Variants in FREM3 observed in about 807,000 individuals in gnomAD.
FREM3 encodes the protein FRAS1 related extracellular matrix 3, also known as FRAS1-related extracellular matrix protein 3.
A neutral mutation model predicts 129.1 loss-of-function variants in FREM3; 105 were observed. The observed-to-expected ratio is 0.81, with a 90% CI of 0.69 to 0.96. The LOEUF is 0.96. Among genes scored for constraint, FREM3 ranks in the 40% least tolerant of loss-of-function variants. FREM3 has a pLI of 0.00. For synonymous variants in FREM3, 1,014 were observed against 1,044.9 expected, an observed-to-expected ratio of 0.97 and a Z score of 0.57; for missense variants, 2,593 against 2,666.3, an observed-to-expected ratio of 0.97 and a Z score of 0.61.
intron 2 of FREM3, among the ~76,000 whole-genome samples, chr4:143,687,953 A>G (rs1384326472): frequency 6.6e-6 from 1 of 152,170 alleles, no homozygotes; most frequent in African/African-American, 2.4e-5. Context: ...GAACTGGAAC[A>G]AGACAAGGAT....
At chr4:143,616,256 A>T (rs1403401795) in intron 5 of FREM3, among the ~76,000 whole-genome samples, 2 of 152,184 alleles carry the variant, frequency 1.3e-5, no homozygotes, top group African/African-American at 4.8e-5. Flanking sequence ...GTTCTGATAA[A>T]CAGAAAATGG....
Position 143,697,848 on chromosome 4 carries a change from G to A in FREM3, c.2828C>T (p.Pro943Leu), listed in dbSNP as rs867878395. 1 of 1,537,750 alleles carries A rather than the reference G, an allele frequency of 6.5e-7. No individual in the cohort carries two copies. Among genetic ancestry groups the A allele is most frequent in the East Asian group, 2.4e-5 (1 of 40,908 alleles). ...SVHPNVANRS[P>L]RISLRSSSLL... is the part of the protein sequence containing the mutation. ...TGAACTACTTCTGAGAGAGATCCTAGGACTTCTGTTAGCCACATTGGGATG... is the reference window on the plus strand; with the variant it reads ...TGAACTACTTCTGAGAGAGATCCTAAGACTTCTGTTAGCCACATTGGGATG... Residue 943 changes from proline to leucine, a missense_variant, in exon 1 of 8, where the codon CCT (proline) becomes CTT (leucine). Transcript: ENST00000329798.
intron 2 of FREM3, among the ~76,000 whole-genome samples, chr4:143,663,424 T>C (rs1297088617): frequency 2.0e-5 from 3 of 152,150 alleles, no homozygotes; most frequent in Non-Finnish European, 4.4e-5. Flanking sequence ...CACTCTCTTC[T>C]GGCTTGTAGA....
At chr4:143,601,775 TG>T (rs1363830051) in intron 6 of FREM3, 1 of 152,202 alleles carries the variant, frequency 6.6e-6, no homozygotes, top group East Asian at 1.9e-4. Flanking sequence ...GTCCCTGGCC[TG>T]GGGTAATCTT....
At position 143,696,087 on chromosome 4, in the gene FREM3, A is replaced by G; in HGVS notation, c.4589T>C (p.Ile1530Thr). The stretch of plus-strand genomic sequence containing the variant: ...AGGTTTCTTATTATCCACATCAGTG[A>G]TGAAGATCCTGAAGGTTCTGAACAC... ...YPVFRTFRIF[I>T]TDVDNKKPIL... The change falls in exon 1 of 8, where the codon ATC becomes ACC. Residue 1530 changes from isoleucine (I) to threonine (T), a missense_variant. By Grantham distance (89) the Ile-to-Thr change is moderately conservative. Transcript: ENST00000329798. The G allele has an allele frequency of 2.0e-6, 3 of 1,537,540 alleles. No homozygotes were observed. Among genetic ancestry groups the G allele is most frequent in the Non-Finnish European group, 2.6e-6 (3 of 1,146,964 alleles).
At chr4:143,683,015 C>G (rs923476830) in intron 2 of FREM3, among the ~76,000 whole-genome samples, 1 of 152,076 alleles carries the variant, frequency 6.6e-6, no homozygotes, top group East Asian at 1.9e-4. Context: ...AGTGATGCAG[C>G]AGGAGAAAGA....
chr4:143,700,206 G>A lies in FREM3; in HGVS notation c.470C>T (p.Thr157Met), dbSNP rs763999992. ...APTHTLVLPF[T>M]LAVDLVFSQL... ...GGAGAAGACCAAGTCCACCGCCAGC[G>A]TGAAGGGCAGCACCAGAGTGTGAGT... Residue 157 changes from threonine (T) to methionine (M), a missense_variant, in exon 1 of 8, where the codon ACG becomes ATG. Around this residue, in one of 2 missense-constraint regions of FREM3, gnomAD observed 2,276 missense variants for 2,267.2 expected, o/e 1.00. Coordinates refer to ENST00000329798, the MANE Select transcript of FREM3 (RefSeq NM_001168235.2). 1.3e-6 allele frequency: 2 copies of A among 1,536,878 alleles called. No individual in the cohort carries two copies. The highest frequency in any genetic ancestry group is 2.4e-5 in the East Asian group (1 of 40,922).
At chr4:143,584,632 A>C (rs1738207644) in intron 7 of FREM3, among the ~76,000 whole-genome samples, 1 of 152,206 alleles carries the variant, frequency 6.6e-6, no homozygotes, top group South Asian at 2.1e-4. Flanking sequence ...TCATAAAACA[A>C]GTCCTTAAAG....
intron 2 of FREM3, among the ~76,000 whole-genome samples, chr4:143,684,624 A>C (rs1740323887): frequency 6.6e-6 from 1 of 152,196 alleles, no homozygotes; most frequent in Non-Finnish European, 1.5e-5. Flanking sequence ...AAATCACACT[A>C]GTTCATCAGC....
chr4:143,697,784 G>A lies in FREM3; in HGVS notation c.2892C>T (p.Ala964=). The A allele has an allele frequency of 6.5e-7, 1 of 1,537,484 alleles. No homozygotes were observed. The highest frequency in any genetic ancestry group is 1.2e-5 in the South Asian group (1 of 84,058). ...DVSIDVLENK[A]TEITMGVIHG... is the part of the protein sequence containing the mutation. ...GGATGACACCCATGGTAATTTCAGT[G>A]GCTTTATTCTCTAGTACGTCTATAG... The change falls in exon 1 of 8, where the codon GCC becomes GCT. Residue 964 remains alanine (A), a synonymous_variant. Transcript: ENST00000329798.
intron 2 of FREM3, among the ~76,000 whole-genome samples, chr4:143,671,939 G>C (rs1344574224): frequency 6.6e-6 from 1 of 152,178 alleles, no homozygotes; most frequent in East Asian, 1.9e-4. Flanking sequence ...AGATTTTATA[G>C]TCAAGCACTG....
rs577247536 is a variant in FREM3 at position 143,675,354 on chromosome 4, C to A, written c.5275+17759G>T. ...TCTTTGAAACCAACGAGAACAAAGA[C>A]ACAACATACCAGAATCTCTGGGACA... On this transcript the variant is annotated intron_variant, in intron 2 of 7. Coordinates refer to ENST00000329798, the MANE Select transcript of FREM3 (RefSeq NM_001168235.2). Among the ~76,000 whole-genome samples the A allele has an allele frequency of 9.5e-3, 1,441 of 152,056 alleles. 21 individuals are homozygous for A. Among genetic ancestry groups the A allele is most frequent in the African/African-American group, 0.033 (1,368 of 41,444 alleles).
intron 2 of FREM3, among the ~76,000 whole-genome samples, chr4:143,691,520 T>C (rs1224667327): frequency 2.0e-5 from 3 of 152,228 alleles, no homozygotes; most frequent in Admixed American, 1.3e-4. Context: ...CAGATTTGCG[T>C]TGGCAGTTAA....
At chr4:143,695,333 C>G (rs919700931) in intron 1 of FREM3, among the ~76,000 whole-genome samples, 158 bp downstream of exon 1, 2 of 152,104 alleles carry the variant, frequency 1.3e-5, no homozygotes, top group Non-Finnish European at 2.9e-5. Flanking sequence ...GGACTTGTTG[C>G]CTTTTTTGTT....
chr4:143,581,214 C>T (rs2149832572), intron 7 of FREM3, among the ~76,000 whole-genome samples: 2 of 152,368 alleles, frequency 1.3e-5, no homozygotes, highest in African/African-American at 4.8e-5. Flanking sequence ...GAACCCAGCA[C>T]AGCCATCTTG....
chr4:143,612,056 G>A (rs967970538), intron 5 of FREM3, among the ~76,000 whole-genome samples: 10 of 152,252 alleles, frequency 6.6e-5, no homozygotes, highest in Non-Finnish European at 1.2e-4. Context: ...ATTGATTAGA[G>A]GATTTCGGTT....
chr4:143,674,956 C>A (rs972325767), intron 2 of FREM3, among the ~76,000 whole-genome samples: 2 of 152,174 alleles, frequency 1.3e-5, no homozygotes, highest in African/African-American at 2.4e-5. Flanking sequence ...GACTTTAACA[C>A]CCCACTGAAC....
In FREM3 at chr4:143,693,101, A is replaced by G. The variant is rs747866183; in HGVS notation, c.5275+12T>C. 75 of 1,384,738 alleles carry G rather than the reference A, an allele frequency of 5.4e-5. No individual in the cohort carries two copies. The highest frequency in any genetic ancestry group is 1.2e-4 in the Admixed American group (5 of 41,496). The allele number at this position is 1,384,738 out of a possible 1,614,324, so 85.8% of individuals were successfully genotyped here. A position where few individuals can be genotyped will look rare whatever the true frequency, so the allele number is the denominator to read the frequency against. Reference sequence around the variant, plus strand: ...AACCATGAATCCTTTTGAAGGGTTTATTATGACTTACCATTGTCTTCAACA... The same window carrying G: ...AACCATGAATCCTTTTGAAGGGTTTGTTATGACTTACCATTGTCTTCAACA... On this transcript the variant is annotated intron_variant, in intron 2 of 7. Coordinates refer to ENST00000329798, the MANE Select transcript of FREM3 (RefSeq NM_001168235.2).
chr4:143,629,280 G>A (rs546282089), intron 2 of FREM3, among the ~76,000 whole-genome samples: 1 of 152,278 alleles, frequency 6.6e-6, no homozygotes, highest in South Asian at 2.1e-4. Context: ...AGGGAACCAT[G>A]AGCATGGAAA....
Sources: allele counts gnomAD v4.1 joint callset (sites outside exome capture counted in the v4.1 genomes callset), GRCh38; gene constraint gnomAD v4.1.1; regional missense constraint gnomAD v4.1.1; transcripts MANE v1.5; gene names NCBI Gene and HGNC (gene_info 2026-07-23, HGNC 2026-07-21).